The following TUBA1C variants were observed in gnomAD, a reference collection of about 807,000 sequenced individuals.
TUBA1C encodes the protein tubulin alpha-1C chain.
TUBA1C carries 16 observed loss-of-function variants against 34.9 expected under a neutral mutation model. That is an observed-to-expected ratio of 0.46 (90% CI 0.31 to 0.70). TUBA1C has a LOEUF of 0.70. Ranked by LOEUF, TUBA1C falls within the 30% of genes least tolerant of loss-of-function variation. The probability of loss-of-function intolerance (pLI) is 0.05; values close to 1 mark genes in which losing one functional copy is unlikely to be tolerated. For synonymous variants in TUBA1C, 177 were observed against 215.9 expected, an observed-to-expected ratio of 0.82 and a Z score of 1.58; for missense variants, 329 against 587.3, an observed-to-expected ratio of 0.56 and a Z score of 4.55.
chr12:49,259,043 G>A (rs759975763), intron 1 of TUBA1C, among the ~76,000 whole-genome samples: 3 of 152,068 alleles, frequency 2.0e-5, no homozygotes, highest in Non-Finnish European at 4.4e-5. Flanking sequence ...ACAGGTGTGA[G>A]CCACCGCACC....
chr12:49,252,508 TGA>T (rs935661405), intron 1 of TUBA1C, among the ~76,000 whole-genome samples: 2 of 152,184 alleles, frequency 1.3e-5, no homozygotes, highest in Non-Finnish European at 2.9e-5. Context: ...AGTCATGAAC[TGA>T]GAGTGAGAAT....
At chr12:49,246,156 T>A (rs1387083242) in intron 1 of TUBA1C, among the ~76,000 whole-genome samples, 2 of 151,440 alleles carry the variant, frequency 1.3e-5, no homozygotes, top group Admixed American at 1.3e-4. Context: ...TCTGCCCGCC[T>A]CAGCCTCCCA....
intron 1 of TUBA1C, among the ~76,000 whole-genome samples, chr12:49,246,506 C>G (rs1318603239): frequency 6.6e-6 from 1 of 151,302 alleles, no homozygotes; most frequent in East Asian, 2.0e-4. Context: ...GGTGAAACCC[C>G]GTCTCTACTA....
rs986324194 is a variant in TUBA1C at position 49,265,126 on chromosome 12, C to A, written c.-56C>A. 1.6e-5 allele frequency: 25 copies of A among 1,585,460 alleles called. 1 individual carries two copies. The Admixed American group carries it at 3.6e-4, about 23-fold the overall frequency. ...CCTTGGTAGTCTGTTAGTGGGAGAT[C>A]CTTGTTGCCGTCCCTTCGCCTCCTT... is the stretch of plus-strand genomic sequence containing the variant. On this transcript the variant is annotated 5_prime_UTR_variant, in exon 1 of 4. Coordinates refer to ENST00000301072, the MANE Select transcript of TUBA1C (RefSeq NM_032704.5).
chr12:49,238,250 TCTGC>T (rs1468407559), intron 1 of TUBA1C, among the ~76,000 whole-genome samples: 2,536 of 152,266 alleles, frequency 0.017, 71 homozygotes, highest in African/African-American at 0.058. Context: ...ATCCCACAAT[TCTGC>T]TAATGTGAAA....
chr12:49,267,619 G>A (rs900081570), intron 1 of TUBA1C, among the ~76,000 whole-genome samples: 11 of 152,166 alleles, frequency 7.2e-5, no homozygotes, highest in East Asian at 3.9e-4. Flanking sequence ...CAGCCTGGGC[G>A]ACAGAGCGAG....
chr12:49,231,387 C>T (rs1942495266), intron 1 of TUBA1C, among the ~76,000 whole-genome samples: 3 of 152,150 alleles, frequency 2.0e-5, no homozygotes, highest in African/African-American at 7.2e-5. Context: ...CCAGACTGGT[C>T]TCATACTCCT....
Position 49,273,457 on chromosome 12 carries a change from A to G in TUBA1C, c.*230A>G. 1 of 675,474 alleles carries G rather than the reference A, an allele frequency of 1.5e-6. No homozygotes were observed. The highest frequency in any genetic ancestry group is 2.4e-6 in the Non-Finnish European group (1 of 410,998). The allele number at this position is 675,474 out of a possible 1,614,324, so 41.8% of individuals were successfully genotyped here. A position where few individuals can be genotyped will look rare whatever the true frequency, so the allele number is the denominator to read the frequency against. On this transcript the variant is annotated 3_prime_UTR_variant, in exon 4 of 4. Coordinates refer to ENST00000301072, the MANE Select transcript of TUBA1C (RefSeq NM_032704.5). The stretch of plus-strand genomic sequence containing the variant: ...CTGGAGTGCAGTGGCATGATAATAC[A>G]TAGCTCATTGCAGCCTCGAGCTCCT...
intron 1 of TUBA1C, among the ~76,000 whole-genome samples, chr12:49,247,057 A>G (rs918132471): frequency 4.0e-5 from 6 of 151,428 alleles, no homozygotes; most frequent in African/African-American, 1.5e-4. Flanking sequence ...GGAGAATTGC[A>G]TGAACCCAGG....
intron 1 of TUBA1C, 133 bp downstream of exon 1, chr12:49,265,317 C>A: frequency 1.7e-6 from 1 of 605,696 alleles, no homozygotes; most frequent in Non-Finnish European, 2.6e-6. Flanking sequence ...GTTAACCTGG[C>A]TTGTGGCGGC....
intron 1 of TUBA1C, among the ~76,000 whole-genome samples, chr12:49,235,411 T>C (rs1331919202): frequency 2.0e-5 from 3 of 152,020 alleles, no homozygotes; most frequent in Non-Finnish European, 4.4e-5. Flanking sequence ...CAGCGCCCCA[T>C]TTTTTGTCCA....
In TUBA1C at chr12:49,256,099, T is replaced by C. The variant is rs144302779; in HGVS notation, c.214-13366T>C. Among the ~76,000 whole-genome samples, 382 of 152,322 alleles carry C rather than the reference T, an allele frequency of 2.5e-3. 1 individual carries two copies. Among genetic ancestry groups the C allele is most frequent in the East Asian group, 6.0e-3 (31 of 5,182 alleles). ...CAGCCTGGGTGAGAGAGTGAAACCC[T>C]GTCTCAAAAACAAACAAACGAACAA... On this transcript the variant is annotated intron_variant, in intron 1 of 3. Transcript: ENST00000541364.
At position 49,248,612 on chromosome 12, in the gene TUBA1C, T is replaced by C. The variant is rs982596954; in HGVS notation, c.213+20446T>C. Among the ~76,000 whole-genome samples, 215 of 148,750 alleles carry C rather than the reference T, an allele frequency of 1.4e-3. 1 individual carries two copies. The highest frequency in any genetic ancestry group is 5.1e-3 in the African/African-American group (208 of 40,442). ...GGCACGGTGGCCCACGTCTGTAATC[T>C]CAGCACTTTGGGAGGCCGAGGCGGG... On this transcript the variant is annotated intron_variant, in intron 1 of 3. Coordinates refer to the TUBA1C transcript ENST00000541364.
At chr12:49,258,691 G>T (rs1942811694) in intron 1 of TUBA1C, among the ~76,000 whole-genome samples, 1 of 151,888 alleles carries the variant, frequency 6.6e-6, no homozygotes, top group African/African-American at 2.4e-5. Flanking sequence ...GCCTCCCAAA[G>T]TGCTAGGATT....
intron 1 of TUBA1C, among the ~76,000 whole-genome samples, chr12:49,241,831 G>A (rs550011981): frequency 1.3e-5 from 2 of 151,810 alleles, no homozygotes; most frequent in South Asian, 4.2e-4. Flanking sequence ...TTGTATTTTA[G>A]TAGAGATTGG....
chr12:49,267,153 T>C (rs1942925499), intron 1 of TUBA1C, among the ~76,000 whole-genome samples: 1 of 152,258 alleles, frequency 6.6e-6, no homozygotes, highest in African/African-American at 2.4e-5. Context: ...GGCCGCTGAC[T>C]GCCTGCTAAG....
intron 3 of TUBA1C, 31 bp downstream of exon 3, chr12:49,270,007 G>T: frequency 6.2e-7 from 1 of 1,614,228 alleles, no homozygotes; most frequent in Non-Finnish European, 8.5e-7. Flanking sequence ...AAAGTGGGAT[G>T]AGAGTTTCTT....
At chr12:49,233,992 G>C (rs970020594) in intron 1 of TUBA1C, 1 of 152,278 alleles carries the variant, frequency 6.6e-6, no homozygotes, top group Non-Finnish European at 1.5e-5. Context: ...GCAGCCATAG[G>C]TGGAGAAAGG....
intron 1 of TUBA1C, among the ~76,000 whole-genome samples, chr12:49,252,748 G>GA (rs1942743668): frequency 6.6e-6 from 1 of 151,816 alleles, no homozygotes; most frequent in Non-Finnish European, 1.5e-5. Context: ...CGTCTCTACT[G>GA]AAAAAATACA....
Sources: gnomAD v4.1 joint callset for allele counts (sites outside exome capture counted in the v4.1 genomes callset) on GRCh38, gnomAD v4.1.1 for gene constraint, MANE v1.5 for transcripts, NCBI Gene and HGNC (gene_info 2026-07-23, HGNC 2026-07-21) for gene names.